The following MRPL28 variants were observed in gnomAD, a reference collection of about 807,000 sequenced individuals.
MRPL28 encodes large ribosomal subunit protein bL28m.
In MRPL28, 25 loss-of-function variants were observed where a neutral mutation model predicts 26.2. The ratio of observed to expected loss-of-function variants is 0.95; its 90% confidence interval spans 0.69 to 1.33. The LOEUF (loss-of-function observed/expected upper bound fraction) is 1.33, where lower values mean the gene tolerates loss of function less well. Among genes scored for constraint, MRPL28 ranks in the 40% most tolerant of loss-of-function variants. The probability of loss-of-function intolerance (pLI) is 0.00; values close to 1 mark genes in which losing one functional copy is unlikely to be tolerated. For synonymous variants in MRPL28, 227 were observed against 140.1 expected, an observed-to-expected ratio of 1.62 and a Z score of -4.38; for missense variants, 432 against 327.2, an observed-to-expected ratio of 1.32 and a Z score of -2.47.
Position 370,146 on chromosome 16 carries a change from G to T in MRPL28, c.73C>A (p.Pro25Thr). 1 of 1,603,190 alleles carries T rather than the reference G, an allele frequency of 6.2e-7. No homozygotes were observed. The highest frequency in any genetic ancestry group is 8.5e-7 in the Non-Finnish European group (1 of 1,176,686). ...TCCAGGGAGCGCAGGTAGTGGCCGG[G>T]CAGGCGGGAACAGATGCCCTCCCGC... ...QLREGICSRL[P>T]GHYLRSLEEE... Residue 25 changes from proline to threonine, a missense_variant, in exon 2 of 6, where the codon CCC becomes ACC. Coordinates refer to ENST00000199706, the MANE Select transcript of MRPL28 (RefSeq NM_006428.5).
intron 2 of MRPL28, chr16:369,553 C>G (rs1349304462): frequency 1.6e-6 from 1 of 613,820 alleles, no homozygotes; most frequent in East Asian, 2.7e-5. Context: ...AGTCTCCCCA[C>G]AGGCTTCAGC....
intron 2 of MRPL28, 52 bp downstream of exon 2, chr16:369,879 C>A: frequency 6.4e-7 from 1 of 1,565,612 alleles, no homozygotes; most frequent in East Asian, 2.2e-5. Context: ...CGGCACAGAG[C>A]CGGCACAGCC....
At chr16:368,832 C>T in intron 3 of MRPL28, 197 bp from the exon 4 acceptor site, 2 of 1,028,866 alleles carry the variant, frequency 1.9e-6, no homozygotes, top group Admixed American at 2.9e-5. Flanking sequence ...AAAGGGGCGG[C>T]TGTGCTCGCT....
Position 368,497 on chromosome 16 carries a change from T to C in MRPL28, c.576+4A>G. ...GGTGTAGGGAGCGGGACGGAAACCCTCACCTTGTACTTGTCGTAGATGGCT... is the reference window on the plus strand; with the variant it reads ...GGTGTAGGGAGCGGGACGGAAACCCCCACCTTGTACTTGTCGTAGATGGCT... On this transcript the variant is annotated splice_donor_region_variant and intron_variant, in intron 4 of 5. Transcript: ENST00000199706. 1 of 1,606,146 alleles carries C rather than the reference T, an allele frequency of 6.2e-7. No homozygotes were observed. Among genetic ancestry groups the C allele is most frequent in the Non-Finnish European group, 8.5e-7 (1 of 1,174,966 alleles).
chr16:369,442 T>A, intron 2 of MRPL28: 1 of 628,580 alleles, frequency 1.6e-6, no homozygotes, highest in Non-Finnish European at 2.8e-6. Flanking sequence ...CCCAACAAGC[T>A]GGGCGTTCCC....
At chr16:369,460 T>A (rs1000412168) in intron 2 of MRPL28, 39 of 630,720 alleles carry the variant, frequency 6.2e-5, no homozygotes, top group Non-Finnish European at 9.2e-5. Context: ...CCCGCCCTGG[T>A]CACATGGTTG....
chr16:368,429 A>G lies in MRPL28; in HGVS notation c.577-15T>C, dbSNP rs11642334. 482,004 of 1,613,256 alleles carry G rather than the reference A, an allele frequency of 0.3. 74,336 individuals carry two copies. The highest frequency in any genetic ancestry group is 0.47 in the South Asian group (42,391 of 91,066). On this transcript the variant is annotated splice_polypyrimidine_tract_variant and intron_variant, in intron 4 of 5. Coordinates refer to ENST00000199706, the MANE Select transcript of MRPL28 (RefSeq NM_006428.5). ...ATGGCAAATTCCTAGGCAGGCAGAGATGGAAAGGGCAGTGAGGCCCAGGGC... is the reference window on the plus strand; with the variant it reads ...ATGGCAAATTCCTAGGCAGGCAGAGGTGGAAAGGGCAGTGAGGCCCAGGGC...
At chr16:369,712 T>C in intron 2 of MRPL28, 1 of 743,078 alleles carries the variant, frequency 1.3e-6, no homozygotes, top group Non-Finnish European at 2.4e-6. Flanking sequence ...CTCTGGTTGC[T>C]CCCCCGGCCT....
In MRPL28 at chr16:370,170, G is replaced by A. The variant is rs771437758; in HGVS notation, c.49C>T (p.Arg17Trp). 16 of 1,599,194 alleles carry A rather than the reference G, an allele frequency of 1.0e-5. No homozygotes were observed. The highest frequency in any genetic ancestry group is 8.9e-5 in the South Asian group (8 of 90,096). Residue 17 changes from arginine (R) to tryptophan (W), a missense_variant, in exon 2 of 6, where the codon CGG (arginine) becomes TGG (tryptophan). Physicochemically the swap from Arg to Trp is moderately radical, Grantham distance 101. Coordinates refer to ENST00000199706, the MANE Select transcript of MRPL28 (RefSeq NM_006428.5). ...PVWLWKRLQL[R>W]EGICSRLPGH... ...GGCAGGCGGGAACAGATGCCCTCCC[G>A]CAGCTGCAGCCGCTTCCAGAGCCAC...
chr16:369,281 C>T (rs1163863477), intron 2 of MRPL28, 61 bp from the exon 3 acceptor site: 18 of 1,434,800 alleles, frequency 1.3e-5, no homozygotes, highest in Non-Finnish European at 1.6e-5. Context: ...CAAGGGGGGC[C>T]CAGGCAACTG....
chr16:367,768 C>G lies in MRPL28; in HGVS notation c.678G>C (p.Leu226=), dbSNP rs778813398. The G allele has an allele frequency of 9.3e-6, 15 of 1,613,722 alleles. No individual in the cohort carries two copies. Among genetic ancestry groups the G allele is most frequent in the Non-Finnish European group, 1.3e-5 (15 of 1,179,972 alleles). ...TCAGCTCCGCCACATAGATCTTGAA[C>G]AGGGGTACAGGGTCCTGAAGGAGAG... The part of the protein sequence containing the change: ...RLLEEKDPVP[L]FKIYVAELIQ... Residue 226 remains leucine, a synonymous_variant, in exon 6 of 6, where the codon CTG becomes CTC. Transcript: ENST00000199706.
At position 370,017 on chromosome 16, in the gene MRPL28, G is replaced by C. The variant is rs1351035612; in HGVS notation, c.202C>G (p.Pro68Ala). The C allele has an allele frequency of 8.7e-6, 14 of 1,613,202 alleles. No individual in the cohort carries two copies. The African/African-American group carries it at 1.1e-4, about 12-fold the overall frequency. The part of the protein sequence containing the change: ...QRERVEDVPI[P>A]IYFPPESQRG... The stretch of plus-strand genomic sequence containing the variant: ...TGGGATTCGGGGGGAAAGTAGATGG[G>C]AATGGGCACGTCCTCCACACGCTCC... Residue 68 changes from proline to alanine, a missense_variant, in exon 2 of 6, where the codon CCC (proline) becomes GCC (alanine). Pro to Ala is a conservative substitution (Grantham distance 27). Coordinates refer to ENST00000199706, the MANE Select transcript of MRPL28 (RefSeq NM_006428.5).
At chr16:369,300 T>TC (rs1056361449) in intron 2 of MRPL28, 80 bp from the exon 3 acceptor site, 409 of 1,520,722 alleles carry the variant, frequency 2.7e-4, no homozygotes, top group Non-Finnish European at 3.3e-4. Flanking sequence ...TGCCCTCACC[T>TC]CCCCCCCGGA....
At chr16:367,813 A>G in intron 5 of MRPL28, 31 bp from the exon 6 acceptor site, 1 of 1,577,396 alleles carries the variant, frequency 6.3e-7, no homozygotes, top group South Asian at 1.1e-5. Context: ...TGGTGAGGCC[A>G]GGGAAGCCCA....
In MRPL28 at chr16:370,065, T is replaced by C. The variant is rs769025739; in HGVS notation, c.154A>G (p.Ile52Val). The change falls in exon 2 of 6, where the codon ATC becomes GTC. Residue 52 changes from isoleucine to valine, a missense_variant. Transcript: ENST00000199706. ...TCCCGCTGCCCGTTCTTGGGGTTGA[T>C]CTTGAACTTGGCCCCATGAGGCCTA... ...HYRPHGAKFK[I>V]NPKNGQRERV... 1.2e-6 allele frequency: 2 copies of C among 1,612,752 alleles called. No individual in the cohort carries two copies. The highest frequency in any genetic ancestry group is 2.2e-5 in the South Asian group (2 of 91,030).
Position 370,038 on chromosome 16 carries a change from G to C in MRPL28, c.181C>G (p.Arg61Gly). ...ATGGGAATGGGCACGTCCTCCACAC[G>C]CTCCCGCTGCCCGTTCTTGGGGTTG... ...KINPKNGQRE[R>G]VEDVPIPIYF... Residue 61 changes from arginine to glycine, a missense_variant, in exon 2 of 6, where the codon CGT becomes GGT. By Grantham distance (125) the Arg-to-Gly change is moderately radical. Transcript: ENST00000199706. 6.2e-7 allele frequency: 1 copy of C among 1,613,194 alleles called. No individual in the cohort carries two copies. The highest frequency in any genetic ancestry group is 8.5e-7 in the Non-Finnish European group (1 of 1,179,846).
Position 370,163 on chromosome 16 carries a change from C to T in MRPL28, c.56G>A (p.Gly19Asp), listed in dbSNP as rs748316522. The T allele has an allele frequency of 8.8e-6, 14 of 1,599,956 alleles. No homozygotes were observed. The highest frequency in any genetic ancestry group is 1.7e-4 in the Middle Eastern group (1 of 5,926). The change falls in exon 2 of 6, where the codon GGC becomes GAC. Residue 19 changes from glycine (G) to aspartate (D), a missense_variant. Transcript: ENST00000199706. ...GTGGCCGGGCAGGCGGGAACAGATGCCCTCCCGCAGCTGCAGCCGCTTCCA... is the reference window on the plus strand; with the variant it reads ...GTGGCCGGGCAGGCGGGAACAGATGTCCTCCCGCAGCTGCAGCCGCTTCCA... Reference protein sequence around the residue: ...WLWKRLQLREGICSRLPGHYL... With the variant: ...WLWKRLQLREDICSRLPGHYL...
rs767871661 is a variant in MRPL28 at position 367,620 on chromosome 16, A to AC, written c.*54_*55insG. On this transcript the variant is annotated 3_prime_UTR_variant, in exon 6 of 6. Coordinates refer to ENST00000199706, the MANE Select transcript of MRPL28 (RefSeq NM_006428.5). ...CCCCGGGATCTGTGTCCTCAGTGCA[A>AC]AGGGCCTGGCAGGGAAAGCTGGGCC... 92 of 1,511,706 alleles carry AC rather than the reference A, an allele frequency of 6.1e-5. No homozygotes were observed. Among genetic ancestry groups the AC allele is most frequent in the Non-Finnish European group, 8.0e-5 (87 of 1,090,650 alleles). The allele number at this position is 1,511,706 out of a possible 1,614,324, so 93.6% of individuals were successfully genotyped here.
intron 3 of MRPL28, 52 bp downstream of exon 3, chr16:369,016 T>C: frequency 6.3e-7 from 1 of 1,587,194 alleles, no homozygotes; most frequent in Non-Finnish European, 8.6e-7. Flanking sequence ...CCCGTGAGTC[T>C]GACTGGCCCA....
Sources: gnomAD v4.1 joint callset for allele counts on GRCh38, gnomAD v4.1.1 for gene constraint, MANE v1.5 for transcripts, NCBI Gene and HGNC (gene_info 2026-07-23, HGNC 2026-07-21) for gene names.